The following RBFOX1 variants were observed in gnomAD, a reference collection of about 807,000 sequenced individuals.
RBFOX1 encodes the protein RNA binding fox-1 homolog 1.
Under a neutral mutation model 57.7 loss-of-function variants are expected in RBFOX1, and 8 were observed. That is an observed-to-expected ratio of 0.14 (90% confidence interval 0.08 to 0.25). The LOEUF (loss-of-function observed/expected upper bound fraction) is 0.25, where lower values mean the gene tolerates loss of function less well. RBFOX1 is among the 10% of genes least tolerant of loss of function. The pLI, the probability that RBFOX1 is intolerant of heterozygous loss-of-function variation, is 1.00. For missense variants in RBFOX1, 611 were observed against 548.5 expected (o/e 1.11, Z -1.14); for synonymous variants, 326 against 222.4 (o/e 1.47, Z -4.15).
intron 3 of RBFOX1, among the ~76,000 whole-genome samples, chr16:6,994,254 T>G (rs2153617269): frequency 6.6e-6 from 1 of 152,232 alleles, no homozygotes; most frequent in Middle Eastern, 3.4e-3. Flanking sequence ...AGAGCACAGT[T>G]TTATCTAATG....
intron 3 of RBFOX1, among the ~76,000 whole-genome samples, chr16:6,709,897 C>T (rs1160059842): frequency 6.6e-6 from 1 of 152,086 alleles, no homozygotes; most frequent in Non-Finnish European, 1.5e-5. Context: ...GGCTACTGGC[C>T]AGATGGATCG....
At position 6,896,414 on chromosome 16, in the gene RBFOX1, C is replaced by T. The variant is rs574502772; in HGVS notation, c.-15-155643C>T. 3.7e-4 allele frequency among the ~76,000 whole-genome samples: 56 copies of T among 152,072 alleles called. 1 individual carries two copies. The highest frequency in any genetic ancestry group is 1.2e-3 in the African/African-American group (51 of 41,490). On this transcript the variant is annotated intron_variant, in intron 3 of 15. Coordinates refer to ENST00000550418, the MANE Select transcript of RBFOX1 (RefSeq NM_018723.4). ...TTTTTCTTTAAACTCATCAACCATC[C>T]CTACTTTCCCCTCTTTCAGCCCTGG...
At chr16:6,972,201 T>C (rs1181753116) in intron 3 of RBFOX1, among the ~76,000 whole-genome samples, 1 of 152,194 alleles carries the variant, frequency 6.6e-6, no homozygotes, top group East Asian at 1.9e-4. Context: ...CGAAAGCTTT[T>C]TCATCCTCTA....
intron 3 of RBFOX1, among the ~76,000 whole-genome samples, chr16:6,664,881 C>A (rs2098722435): frequency 6.6e-6 from 1 of 152,162 alleles, no homozygotes; most frequent in Admixed American, 6.5e-5. Context: ...AGCTGGCAGA[C>A]CTTGGAAAAG....
At chr16:6,078,354 G>A (rs1363011838) in intron 1 of RBFOX1, among the ~76,000 whole-genome samples, 1 of 152,082 alleles carries the variant, frequency 6.6e-6, no homozygotes, top group African/African-American at 2.4e-5. Context: ...GGCTTTGAAT[G>A]TTGTCCAACA....
intron 2 of RBFOX1, among the ~76,000 whole-genome samples, chr16:6,628,211 G>A (rs549524333): frequency 6.6e-6 from 1 of 152,312 alleles, no homozygotes; most frequent in South Asian, 2.1e-4. Flanking sequence ...TCTCCCTGGG[G>A]GTTAGCATCT....
chr16:6,932,542 C>T (rs2076732121), intron 3 of RBFOX1, among the ~76,000 whole-genome samples: 1 of 152,170 alleles, frequency 6.6e-6, no homozygotes, highest in Non-Finnish European at 1.5e-5. Context: ...AAGTGTCTCA[C>T]CTATATGGTA....
chr16:7,553,806 G>A (rs368560817), intron 5 of RBFOX1, among the ~76,000 whole-genome samples: 130 of 152,304 alleles, frequency 8.5e-4, no homozygotes, highest in African/African-American at 2.8e-3. Context: ...GCTGTTGCTG[G>A]AGCTAAGAAG....
chr16:5,769,484 A>G (rs1386684347), intron 3 of RBFOX1, among the ~76,000 whole-genome samples: 3 of 137,538 alleles, frequency 2.2e-5, no homozygotes, highest in African/African-American at 7.9e-5. Flanking sequence ...CTACTAAAAA[A>G]TACAAAAAAA....
At chr16:6,525,701 GA>G (rs1228568814) in intron 2 of RBFOX1, among the ~76,000 whole-genome samples, 2 of 151,992 alleles carry the variant, frequency 1.3e-5, no homozygotes, top group Admixed American at 1.3e-4. Flanking sequence ...CTGGTGGGAG[GA>G]ACACTGTGCT....
At chr16:6,422,815 A>G (rs1567237397) in intron 2 of RBFOX1, among the ~76,000 whole-genome samples, 1 of 152,176 alleles carries the variant, frequency 6.6e-6, no homozygotes, top group Non-Finnish European at 1.5e-5. Context: ...CCCCACCTCC[A>G]ACATTGGAGA....
intron 4 of RBFOX1, among the ~76,000 whole-genome samples, chr16:7,273,970 A>C (rs1389178487): frequency 6.6e-6 from 1 of 152,158 alleles, no homozygotes; most frequent in Non-Finnish European, 1.5e-5. Context: ...TTAAATCCCC[A>C]AGGATAGTTC....
chr16:5,730,571 G>A (rs979270415), intron 3 of RBFOX1, among the ~76,000 whole-genome samples: 14 of 151,924 alleles, frequency 9.2e-5, no homozygotes, highest in African/African-American at 2.4e-4. Flanking sequence ...CATCATCATC[G>A]TCATCATTAC....
chr16:5,674,963 A>C (rs919729194), intron 3 of RBFOX1, among the ~76,000 whole-genome samples: 12 of 152,076 alleles, frequency 7.9e-5, no homozygotes, highest in African/African-American at 2.9e-4. Context: ...CCTGGACAAC[A>C]CAGCAAAACC....
At chr16:6,788,910 G>T (rs542927045) in intron 3 of RBFOX1, among the ~76,000 whole-genome samples, 2 of 152,126 alleles carry the variant, frequency 1.3e-5, no homozygotes, top group African/African-American at 4.8e-5. Context: ...TAAGAACTCA[G>T]CGTCCCCAAG....
intron 4 of RBFOX1, among the ~76,000 whole-genome samples, chr16:7,197,557 A>G (rs1338918542): frequency 6.6e-6 from 1 of 152,126 alleles, no homozygotes; most frequent in African/African-American, 2.4e-5. Flanking sequence ...CACATTACCA[A>G]GCAATTCCAC....
At chr16:7,058,424 A>C (rs2053160102) in intron 4 of RBFOX1, among the ~76,000 whole-genome samples, 1 of 152,192 alleles carries the variant, frequency 6.6e-6, no homozygotes, top group African/African-American at 2.4e-5. Flanking sequence ...CACTATTAAG[A>C]ATCAGGGGCC....
chr16:7,061,998 A>G (rs2054443355), intron 4 of RBFOX1, among the ~76,000 whole-genome samples: 1 of 152,134 alleles, frequency 6.6e-6, no homozygotes, highest in Admixed American at 6.6e-5. Context: ...CTGATGATGC[A>G]GACAAACCTG....
chr16:5,427,312 C>T (rs1000088002), intron 1 of RBFOX1, among the ~76,000 whole-genome samples: 2 of 152,166 alleles, frequency 1.3e-5, no homozygotes, highest in Non-Finnish European at 1.5e-5. Flanking sequence ...TGGCTGGGCA[C>T]GGTGGCTCAT....
Sources: allele counts gnomAD v4.1 joint callset (sites outside exome capture counted in the v4.1 genomes callset), GRCh38; gene constraint gnomAD v4.1.1; transcripts MANE v1.5; gene names NCBI Gene and HGNC (gene_info 2026-07-23, HGNC 2026-07-21).